The following MBTD1 variants were observed in gnomAD, a reference collection of about 807,000 sequenced individuals.
The protein encoded by MBTD1 is MBT domain-containing protein 1.
In MBTD1, 24 loss-of-function variants were observed where a neutral mutation model predicts 87.8. The ratio of observed to expected loss-of-function variants is 0.27; its 90% confidence interval spans 0.20 to 0.38. The LOEUF is 0.38. MBTD1 is among the 10% of genes least tolerant of loss of function. The pLI is 1.00. For synonymous variants in MBTD1, 237 were observed against 248.6 expected, an observed-to-expected ratio of 0.95 and a Z score of 0.44; for missense variants, 436 against 760.2, an observed-to-expected ratio of 0.57 and a Z score of 5.02.
intron 16 of MBTD1, among the ~76,000 whole-genome samples, chr17:51,187,797 C>A (rs993104328): frequency 6.7e-6 from 1 of 149,300 alleles, no homozygotes; most frequent in African/African-American, 2.5e-5. Context: ...TGTGGCGAGC[C>A]GACAGTGCAC....
chr17:51,208,555 A>G (rs1054046747), intron 6 of MBTD1, among the ~76,000 whole-genome samples: 3 of 152,206 alleles, frequency 2.0e-5, no homozygotes, highest in Admixed American at 2.0e-4. Context: ...ATATTAACAC[A>G]AAGATCATGT....
At chr17:51,201,496 T>C in intron 12 of MBTD1, 96 bp downstream of exon 12, 1 of 719,340 alleles carries the variant, frequency 1.4e-6, no homozygotes, top group East Asian at 2.6e-5. Flanking sequence ...CACATACACA[T>C]TTTATGTCAA....
At chr17:51,201,946 C>T (rs1317303734) in intron 11 of MBTD1, 76 bp downstream of exon 11, 29 of 1,044,218 alleles carry the variant, frequency 2.8e-5, no homozygotes, top group Non-Finnish European at 3.7e-5. Context: ...TTGTGATTTC[C>T]GTAATTTTAG....
chr17:51,230,389 T>C (rs2053481704), intron 2 of MBTD1, among the ~76,000 whole-genome samples: 1 of 152,148 alleles, frequency 6.6e-6, no homozygotes, highest in African/African-American at 2.4e-5. Context: ...TCATTCGACA[T>C]TTATCAAGTA....
chr17:51,184,474 G>A (rs1395411306), intron 16 of MBTD1: 2 of 152,214 alleles, frequency 1.3e-5, no homozygotes, highest in Non-Finnish European at 2.9e-5. Flanking sequence ...AGGTAGCAAT[G>A]TAGTCCCTAC....
intron 5 of MBTD1, among the ~76,000 whole-genome samples, chr17:51,217,660 G>A (rs1371793435): frequency 1.3e-5 from 2 of 152,166 alleles, no homozygotes; most frequent in Admixed American, 6.5e-5. Flanking sequence ...CTAGGCTGGA[G>A]TGCAGTGGCA....
intron 4 of MBTD1, among the ~76,000 whole-genome samples, 190 bp downstream of exon 4, chr17:51,220,140 T>C (rs1276791425): frequency 1.3e-5 from 2 of 152,242 alleles, no homozygotes; most frequent in Non-Finnish European, 1.5e-5. Flanking sequence ...GTATGCCTTA[T>C]CCATTTAAAA....
intron 2 of MBTD1, among the ~76,000 whole-genome samples, chr17:51,248,267 A>C (rs943699542): frequency 6.6e-6 from 1 of 152,114 alleles, no homozygotes; most frequent in South Asian, 2.1e-4. Flanking sequence ...CTTTTGGCTT[A>C]CTTTGTTCAT....
At chr17:51,195,808 C>T (rs1041568379) in intron 12 of MBTD1, among the ~76,000 whole-genome samples, 9 of 152,198 alleles carry the variant, frequency 5.9e-5, no homozygotes, top group Admixed American at 5.2e-4. Context: ...CTCTTTTATG[C>T]TACAGATAAC....
intron 3 of MBTD1, among the ~76,000 whole-genome samples, chr17:51,222,003 G>C (rs549299873): frequency 1.8e-4 from 27 of 152,176 alleles, no homozygotes; most frequent in African/African-American, 6.0e-4. Context: ...AAAACTAAAC[G>C]GTTTTCTGTT....
At chr17:51,232,350 T>C (rs556607190) in intron 2 of MBTD1, among the ~76,000 whole-genome samples, 26 of 152,160 alleles carry the variant, frequency 1.7e-4, no homozygotes, top group African/African-American at 5.5e-4. Flanking sequence ...CACGATCAAA[T>C]AGCAAACACA....
chr17:51,254,342 G>A (rs958137251), intron 2 of MBTD1, among the ~76,000 whole-genome samples: 1 of 152,136 alleles, frequency 6.6e-6, no homozygotes, highest in Non-Finnish European at 1.5e-5. Flanking sequence ...TTACTGTTAC[G>A]AGGAACATAA....
intron 2 of MBTD1, among the ~76,000 whole-genome samples, chr17:51,253,771 T>C (rs914219875): frequency 5.3e-5 from 8 of 152,160 alleles, no homozygotes; most frequent in East Asian, 3.8e-4. Flanking sequence ...CAGAACTTCA[T>C]TGTCCTACTG....
chr17:51,190,381 A>G lies in MBTD1; in HGVS notation c.1768+1822T>C, dbSNP rs909871343. Among the ~76,000 whole-genome samples the G allele has an allele frequency of 3.9e-5, 6 of 151,970 alleles. No homozygotes were observed. The East Asian group carries it at 7.7e-4, about 20-fold the overall frequency. On this transcript the variant is annotated intron_variant, in intron 16 of 16. Transcript: ENST00000586178. ...CCTCCCAAAGTTGCTGGGATTAATT[A>G]CAGGCATGAGCCACCGCGTCCAGTC... is the stretch of plus-strand genomic sequence containing the variant.
At chr17:51,260,484 T>C, upstream of MBTD1, 2 of 1,338,980 alleles carry the variant, frequency 1.5e-6, no homozygotes, top group East Asian at 2.5e-5. Context: ...CGCAGGCTCC[T>C]TCCGGCCCCC....
rs142183394 is a variant in MBTD1, at chr17:51,241,756, G to A, written c.-48-16547C>T. Among the ~76,000 whole-genome samples, 1,213 of 152,006 alleles carry A rather than the reference G, an allele frequency of 8.0e-3. 17 individuals are homozygous for A. The highest frequency in any genetic ancestry group is 0.027 in the African/African-American group (1,136 of 41,448). The stretch of plus-strand genomic sequence containing the variant: ...TTATTTTTTTATTTTTAGTAGAGAC[G>A]GGTTTCACCATGTTTGCCAGGCTGG... On this transcript the variant is annotated intron_variant, in intron 2 of 16. Coordinates refer to ENST00000586178, the MANE Select transcript of MBTD1 (RefSeq NM_017643.3).
intron 3 of MBTD1, among the ~76,000 whole-genome samples, chr17:51,222,406 T>C (rs1256011607): frequency 6.6e-6 from 1 of 150,474 alleles, no homozygotes; most frequent in Admixed American, 6.6e-5. Context: ...TTTTGTTTTG[T>C]TTTGTTTGTT....
At chr17:51,259,299 G>T in intron 1 of MBTD1, 93 bp from the exon 2 acceptor site, 1 of 1,226,160 alleles carries the variant, frequency 8.2e-7, no homozygotes, top group Non-Finnish European at 1.0e-6. Context: ...AGCCTTGGAG[G>T]CTGCTTCCCA....
chr17:51,242,805 A>G (rs947246763), intron 2 of MBTD1, among the ~76,000 whole-genome samples: 3 of 152,124 alleles, frequency 2.0e-5, no homozygotes, highest in African/African-American at 7.2e-5. Context: ...ACAGCTATAT[A>G]TATGTTTTCT....
Sources: allele counts gnomAD v4.1 joint callset (sites outside exome capture counted in the v4.1 genomes callset), GRCh38; gene constraint gnomAD v4.1.1; transcripts MANE v1.5; gene names NCBI Gene and HGNC (gene_info 2026-07-23, HGNC 2026-07-21).